The following TCERG1 variants were observed in gnomAD, a reference collection of about 807,000 sequenced individuals.
The protein encoded by TCERG1 is TATA box binding protein (TBP)-associated factor, RNA polymerase II, S, 150kD.
In TCERG1, 37 loss-of-function variants were observed where a neutral mutation model predicts 144.7. The ratio of observed to expected loss-of-function variants is 0.26; its 90% CI spans 0.20 to 0.34. The LOEUF (loss-of-function observed/expected upper bound fraction) is 0.34, where lower values mean the gene tolerates loss of function less well. Among genes scored for constraint, TCERG1 ranks in the 10% least tolerant of loss-of-function variants. The pLI, the probability that TCERG1 is intolerant of heterozygous loss-of-function variation, is 1.00. For missense variants in TCERG1, 1,027 were observed against 1,380.7 expected, an observed-to-expected ratio of 0.74 and a Z score of 4.06; for synonymous variants, 492 against 458.2, an observed-to-expected ratio of 1.07 and a Z score of -0.94.
chr5:146,477,409 A>G (rs1764936705), intron 9 of TCERG1, among the ~76,000 whole-genome samples: 1 of 152,124 alleles, frequency 6.6e-6, no homozygotes, highest in Non-Finnish European at 1.5e-5. Context: ...TTTAGCTGCC[A>G]TGCTACTGCA....
chr5:146,479,131 A>C (rs543205549), intron 10 of TCERG1, among the ~76,000 whole-genome samples: 2 of 152,202 alleles, frequency 1.3e-5, no homozygotes, highest in African/African-American at 4.8e-5. Flanking sequence ...CTTTTAATCT[A>C]TCTCATATTC....
At chr5:146,498,502 T>A (rs1767141992) in intron 16 of TCERG1, 34 bp from the exon 17 acceptor site, 1 of 1,578,556 alleles carries the variant, frequency 6.3e-7, no homozygotes, top group Non-Finnish European at 8.6e-7. Context: ...CAGAAGTAAC[T>A]GCCAAAGTTA....
In TCERG1 at chr5:146,510,639, ATAAT is replaced by A. The variant is rs1449076180; in HGVS notation, c.3347_*2del. ...CGGAGCCCACGAGACGATCAACAAA[ATAAT>A]TCTAAATACTCTTCCATAGGGGCAT... On this transcript the variant is annotated stop_lost and 3_prime_UTR_variant, in exon 23 of 23. Transcript: ENST00000679501. The A allele has an allele frequency of 6.2e-7, 1 of 1,611,754 alleles. No homozygotes were observed. The highest frequency in any genetic ancestry group is 8.5e-7 in the Non-Finnish European group (1 of 1,179,128).
intron 9 of TCERG1, among the ~76,000 whole-genome samples, chr5:146,472,927 A>G (rs185169807): frequency 1.4e-4 from 21 of 152,156 alleles, no homozygotes; most frequent in African/African-American, 4.3e-4. Context: ...ATTAGCCAGG[A>G]TGGTCTCGAT....
chr5:146,510,341 A>T, intron 22 of TCERG1, 100 bp from the exon 23 acceptor site: 5 of 830,282 alleles, frequency 6.0e-6, no homozygotes, highest in Non-Finnish European at 8.8e-6. Flanking sequence ...AAAAAAAAAA[A>T]TGGAAACACA....
At chr5:146,481,826 A>G (rs935687288) in intron 13 of TCERG1, 4 of 152,174 alleles carry the variant, frequency 2.6e-5, no homozygotes, top group African/African-American at 7.2e-5. Context: ...CCATGTTTAC[A>G]ATTTCACTTG....
chr5:146,491,416 A>G (rs1431728336), intron 15 of TCERG1, among the ~76,000 whole-genome samples: 5 of 151,964 alleles, frequency 3.3e-5, no homozygotes, highest in Non-Finnish European at 1.5e-5. Context: ...TGCTGCTGGG[A>G]TCTAGTGGGT....
Position 146,507,753 on chromosome 5 carries a change from C to G in TCERG1, c.2962-120C>G, listed in dbSNP as rs1015836163. The stretch of plus-strand genomic sequence containing the variant: ...TCCCTGTCCCTAACTAGTCCAGTTA[C>G]GCTTGGGCATTACAAGAGATCGCAG... On this transcript the variant is annotated intron_variant, in intron 20 of 22. Transcript: ENST00000679501. This position sits in a 1 kb window ranked among gnomAD's most constrained non-coding sequence, Gnocchi z 4.6. 4 of 601,934 alleles carry G rather than the reference C, an allele frequency of 6.6e-6. No individual in the cohort carries two copies. Among genetic ancestry groups the G allele is most frequent in the Non-Finnish European group, 1.1e-5 (4 of 357,154 alleles). 37.3% of individuals were successfully genotyped at this position (601,934 alleles called of 1,614,324 possible).
intron 9 of TCERG1, among the ~76,000 whole-genome samples, chr5:146,471,843 C>T (rs576806646): frequency 3.9e-5 from 6 of 152,184 alleles, no homozygotes; most frequent in East Asian, 1.9e-4. Context: ...GTGATCCGCC[C>T]GCCTCGGCCT....
chr5:146,459,270 A>G lies in TCERG1; in HGVS notation c.825A>G (p.Ser275=). The G allele has an allele frequency of 6.2e-7, 1 of 1,614,202 alleles. No homozygotes were observed. The highest frequency in any genetic ancestry group is 8.5e-7 in the Non-Finnish European group (1 of 1,180,030). The change falls in exon 4 of 23, where the codon TCA becomes TCG. Residue 275 remains serine, a synonymous_variant. Coordinates refer to ENST00000679501, the MANE Select transcript of TCERG1 (RefSeq NM_001382548.1). ...SPAPAVSTST[S]SSTPSSTTST... ...CACCTGCAGTATCCACTTCAACATC[A>G]TCATCCACCCCTTCCTCTACCACTT...
Position 146,482,577 on chromosome 5 carries a change from T to G in TCERG1, c.1938-15T>G, listed in dbSNP as rs957547776. On this transcript the variant is annotated splice_polypyrimidine_tract_variant and intron_variant, in intron 13 of 22. Coordinates refer to ENST00000679501, the MANE Select transcript of TCERG1 (RefSeq NM_001382548.1). ...ATATTTTGTCAGTTGATGTCTTATA[T>G]TTTATTTTTTATAGGAGAGACGATA... is the stretch of plus-strand genomic sequence containing the variant. 4 of 1,590,674 alleles carry G rather than the reference T, an allele frequency of 2.5e-6. No individual in the cohort carries two copies. The highest frequency in any genetic ancestry group is 3.6e-5 in the Admixed American group (2 of 55,302).
chr5:146,453,141 ATTAC>A (rs1393255937), intron 1 of TCERG1, among the ~76,000 whole-genome samples: 1 of 152,128 alleles, frequency 6.6e-6, no homozygotes, highest in African/African-American at 2.4e-5. Flanking sequence ...CTCATGTGAT[ATTAC>A]TTATTTGCTT....
At chr5:146,501,395 A>G (rs1047147228) in intron 17 of TCERG1, among the ~76,000 whole-genome samples, 1 of 152,220 alleles carries the variant, frequency 6.6e-6, no homozygotes, top group Admixed American at 6.5e-5. Flanking sequence ...ATCCACAATG[A>G]AAGGAAGTTA....
intron 14 of TCERG1, among the ~76,000 whole-genome samples, 169 bp downstream of exon 14, chr5:146,482,896 T>C (rs1291196393): frequency 1.3e-5 from 2 of 152,202 alleles, no homozygotes; most frequent in African/African-American, 4.8e-5. Context: ...GCTAATCTTA[T>C]CATATTTAAC....
chr5:146,461,166 T>C (rs1254823144), intron 4 of TCERG1, among the ~76,000 whole-genome samples: 1 of 152,166 alleles, frequency 6.6e-6, no homozygotes, highest in Non-Finnish European at 1.5e-5. Flanking sequence ...GTGTCCTGTT[T>C]GTCAGTTTTG....
chr5:146,469,079 ACT>A (rs1293360937), intron 6 of TCERG1, among the ~76,000 whole-genome samples: 1 of 152,130 alleles, frequency 6.6e-6, no homozygotes, highest in Non-Finnish European at 1.5e-5. Flanking sequence ...GAGTCGATAA[ACT>A]CAGTCATTTG....
intron 15 of TCERG1, among the ~76,000 whole-genome samples, chr5:146,484,955 G>A (rs758997446): frequency 9.9e-5 from 15 of 152,078 alleles, no homozygotes; most frequent in South Asian, 2.1e-4. Flanking sequence ...CCACACAGCA[G>A]CCAGGCTAAT....
rs776382912 is a variant in TCERG1, at chr5:146,510,623, C to T, written c.3329C>T (p.Thr1110Met). ...PPPPPTASEP[T>M]RRSTK ...CCACCTCCCACAGCATCGGAGCCCA[C>T]GAGACGATCAACAAAATAATTCTAA... is the stretch of plus-strand genomic sequence containing the variant. Residue 1110 changes from threonine to methionine, a missense_variant, in exon 23 of 23, where the codon ACG (threonine) becomes ATG (methionine). Transcript: ENST00000679501. 1.2e-5 allele frequency: 20 copies of T among 1,612,846 alleles called. No individual in the cohort carries two copies. Among genetic ancestry groups the T allele is most frequent in the Non-Finnish European group, 1.5e-5 (18 of 1,179,532 alleles).
At chr5:146,496,258 T>C (rs998194254) in intron 16 of TCERG1, among the ~76,000 whole-genome samples, 3 of 152,230 alleles carry the variant, frequency 2.0e-5, no homozygotes, top group African/African-American at 7.2e-5. Flanking sequence ...GTTTGGAGTT[T>C]GCTGAGCTTT....
Sources: allele counts gnomAD v4.1 joint callset (sites outside exome capture counted in the v4.1 genomes callset), GRCh38; gene constraint gnomAD v4.1.1; non-coding constraint Gnocchi (gnomAD v3.1); transcripts MANE v1.5; gene names NCBI Gene and HGNC (gene_info 2026-07-23, HGNC 2026-07-21).